PAX5: variants seen among roughly 807,000 people sequenced by gnomAD.
PAX5 encodes paired box protein Pax-5.
In PAX5, 9 loss-of-function variants were observed where a neutral mutation model predicts 43.7. The observed-to-expected ratio is 0.21, with a 90% CI of 0.12 to 0.36. The LOEUF (loss-of-function observed/expected upper bound fraction) is 0.36, where lower values mean the gene tolerates loss of function less well. PAX5 is among the 10% of genes least tolerant of loss of function. The probability of loss-of-function intolerance (pLI) is 1.00; values close to 1 mark genes in which losing one functional copy is unlikely to be tolerated. For missense variants in PAX5, 383 were observed against 532.7 expected (o/e 0.72, Z 2.77); for synonymous variants, 228 against 214.3 (o/e 1.06, Z -0.56).
At chr9:37,023,504 A>T (rs1403203785) in intron 1 of PAX5, among the ~76,000 whole-genome samples, 1 of 152,202 alleles carries the variant, frequency 6.6e-6, no homozygotes, top group African/African-American at 2.4e-5. Context: ...TACAAGAAAA[A>T]GACAGACCAC....
intron 5 of PAX5, among the ~76,000 whole-genome samples, chr9:36,979,357 C>T (rs912286362): frequency 2.6e-5 from 4 of 152,190 alleles, no homozygotes; most frequent in African/African-American, 9.7e-5. Context: ...CTTCATTATT[C>T]ATGGAAGCAC....
chr9:36,931,557 CA>C (rs1831123540), intron 6 of PAX5, among the ~76,000 whole-genome samples: 2 of 151,862 alleles, frequency 1.3e-5, no homozygotes, highest in African/African-American at 4.8e-5. Context: ...TAACAAAAAA[CA>C]AAAAACATGG....
intron 4 of PAX5, among the ~76,000 whole-genome samples, chr9:37,005,825 A>G (rs947462678): frequency 3.3e-5 from 5 of 152,166 alleles, no homozygotes; most frequent in African/African-American, 2.4e-5. Context: ...TTAAATAGAC[A>G]CATGTCATTT....
At chr9:36,855,877 G>C (rs1219493046) in intron 8 of PAX5, among the ~76,000 whole-genome samples, 3 of 152,094 alleles carry the variant, frequency 2.0e-5, no homozygotes, top group Non-Finnish European at 4.4e-5. Flanking sequence ...TCTCCTATTT[G>C]TCAAGACCCA....
rs2131550298 is a variant in PAX5 at position 36,835,532 on chromosome 9, A to G, written c.*5028T>C. The G allele has an allele frequency of 4.3e-6, 1 of 233,228 alleles. No homozygotes were observed. The highest frequency in any genetic ancestry group is 6.0e-5 in the East Asian group (1 of 16,574). 14.4% of individuals were successfully genotyped at this position (233,228 alleles called of 1,614,324 possible). On this transcript the variant is annotated 3_prime_UTR_variant, in exon 10 of 10. Transcript: ENST00000358127. The stretch of plus-strand genomic sequence containing the variant: ...GTTCCCCCATGAATATGCAAGAGGG[A>G]ACCCTGAGGTTTGGGGCAACAGGGG...
intron 8 of PAX5, among the ~76,000 whole-genome samples, chr9:36,877,367 T>C (rs1826013310): frequency 6.6e-6 from 1 of 151,600 alleles, no homozygotes; most frequent in Non-Finnish European, 1.5e-5. Flanking sequence ...AAAAAAGAAG[T>C]GAAAGTAGTG....
At chr9:36,900,930 C>A (rs559858184) in intron 7 of PAX5, among the ~76,000 whole-genome samples, 1 of 10,652 alleles carries the variant, frequency 9.4e-5, no homozygotes, top group South Asian at 0.25. Context: ...AGACTCCAAC[C>A]AGGGGAGCAT....
intron 8 of PAX5, chr9:36,856,446 CT>C (rs887814102): frequency 1.3e-5 from 2 of 152,262 alleles, no homozygotes; most frequent in Non-Finnish European, 2.9e-5. Flanking sequence ...TAGGCCTCCC[CT>C]GCCACATAAT....
chr9:36,977,466 T>C (rs1679120224), intron 5 of PAX5, among the ~76,000 whole-genome samples: 1 of 152,184 alleles, frequency 6.6e-6, no homozygotes, highest in Non-Finnish European at 1.5e-5. Flanking sequence ...GGGGCAAGTG[T>C]AGCCCAAGAA....
At chr9:37,008,739 C>T (rs1014863081) in intron 3 of PAX5, among the ~76,000 whole-genome samples, 1 of 152,198 alleles carries the variant, frequency 6.6e-6, no homozygotes, top group Non-Finnish European at 1.5e-5. Flanking sequence ...CCCTCAAATA[C>T]ATTCAGATTG....
intron 8 of PAX5, among the ~76,000 whole-genome samples, chr9:36,853,637 G>A (rs1450264247): frequency 6.6e-6 from 1 of 152,190 alleles, no homozygotes; most frequent in Non-Finnish European, 1.5e-5. Context: ...GACAAATGGT[G>A]GGTTTCCCCC....
At chr9:36,950,735 C>CTT (rs55801947) in intron 6 of PAX5, among the ~76,000 whole-genome samples, 178 of 116,636 alleles carry the variant, frequency 1.5e-3, no homozygotes, top group African/African-American at 2.4e-3. Context: ...ACTGAGTTTT[C>CTT]TTTTTTTTTT....
At chr9:36,984,187 T>C (rs1332001519) in intron 5 of PAX5, among the ~76,000 whole-genome samples, 1 of 152,050 alleles carries the variant, frequency 6.6e-6, no homozygotes, top group Admixed American at 6.6e-5. Context: ...AAAATCACCT[T>C]GAAAAATCAG....
chr9:36,969,992 G>A (rs553270529), intron 5 of PAX5, among the ~76,000 whole-genome samples: 209 of 152,264 alleles, frequency 1.4e-3, no homozygotes, highest in African/African-American at 4.7e-3. Context: ...TCTGTATCAG[G>A]TAATATTTTT....
At chr9:36,925,711 G>A (rs993543546) in intron 6 of PAX5, among the ~76,000 whole-genome samples, 4 of 152,204 alleles carry the variant, frequency 2.6e-5, no homozygotes, top group African/African-American at 9.7e-5. Context: ...GCGAGCTCTA[G>A]GTCCAGCCAA....
chr9:37,005,360 GCAGA>G (rs758406505), intron 4 of PAX5, among the ~76,000 whole-genome samples: 3 of 152,224 alleles, frequency 2.0e-5, no homozygotes, highest in Non-Finnish European at 4.4e-5. Context: ...CAGGGACTTA[GCAGA>G]CACTTTCTGA....
intron 1 of PAX5, among the ~76,000 whole-genome samples, chr9:37,027,887 G>A (rs1034821664): frequency 6.6e-6 from 1 of 152,268 alleles, no homozygotes; most frequent in African/African-American, 2.4e-5. Context: ...GAGAGAATGG[G>A]GGGCGGGGCC....
At chr9:36,895,609 G>T (rs978007439) in intron 7 of PAX5, among the ~76,000 whole-genome samples, 1 of 152,194 alleles carries the variant, frequency 6.6e-6, no homozygotes, top group East Asian at 1.9e-4. Flanking sequence ...TTAGGAAGCC[G>T]CCTGGCCCAT....
intron 5 of PAX5, among the ~76,000 whole-genome samples, chr9:36,976,383 G>C (rs1229457023): frequency 1.3e-5 from 2 of 152,156 alleles, no homozygotes; most frequent in Non-Finnish European, 2.9e-5. Flanking sequence ...GGGGGGTCCT[G>C]GAGAAGGGAC....
Sources: gnomAD v4.1 joint callset for allele counts (sites outside exome capture counted in the v4.1 genomes callset) on GRCh38, gnomAD v4.1.1 for gene constraint, MANE v1.5 for transcripts, NCBI Gene and HGNC (gene_info 2026-07-23, HGNC 2026-07-21) for gene names.